Variants in PPP3R1 observed in about 807,000 individuals in gnomAD.
PPP3R1 encodes calcineurin subunit B type 1.
Under a neutral mutation model 22.6 loss-of-function variants are expected in PPP3R1, and 5 were observed. The ratio of observed to expected loss-of-function variants is 0.22; its 90% CI spans 0.12 to 0.46. The LOEUF (loss-of-function observed/expected upper bound fraction) is 0.46, where lower values mean the gene tolerates loss of function less well. Ranked by LOEUF, PPP3R1 falls within the 20% of genes least tolerant of loss-of-function variation. The pLI is 0.99. For synonymous variants in PPP3R1, 56 were observed against 65.2 expected (o/e 0.86, Z 0.68); for missense variants, 61 against 203.2 (o/e 0.30, Z 4.25).
intron 2 of PPP3R1, among the ~76,000 whole-genome samples, chr2:68,189,353 C>T (rs949488914): frequency 1.3e-5 from 2 of 152,122 alleles, no homozygotes; most frequent in Non-Finnish European, 2.9e-5. Flanking sequence ...CTTATCAACA[C>T]TTTAAAAGAG....
Position 68,185,150 on chromosome 2 carries a change from C to T in PPP3R1, c.465+1318G>A, listed in dbSNP as rs138942826. Among the ~76,000 whole-genome samples the T allele has an allele frequency of 8.9e-4, 134 of 149,746 alleles. 2 individuals are homozygous for T. In the East Asian group the frequency reaches 0.02, roughly 22 times the overall value. ...AGGAAAATCACTCGAACCAGGGAGT[C>T]GGAGGTTGCAGTGAGCCAAGACTCT... On this transcript the variant is annotated intron_variant, in intron 5 of 5. Coordinates refer to ENST00000234310, the MANE Select transcript of PPP3R1 (RefSeq NM_000945.4).
intron 2 of PPP3R1, among the ~76,000 whole-genome samples, chr2:68,211,418 A>AAAAC (rs1558635196): frequency 6.6e-6 from 1 of 151,604 alleles, no homozygotes; most frequent in Non-Finnish European, 1.5e-5. Flanking sequence ...AAAAAAAAAA[A>AAAAC]AAAAAAACTC....
At chr2:68,251,672 G>A (rs1026220948) in intron 1 of PPP3R1, among the ~76,000 whole-genome samples, 2 of 152,130 alleles carry the variant, frequency 1.3e-5, no homozygotes, top group African/African-American at 2.4e-5. Context: ...TATGTAAAGT[G>A]CCATTTGCCA....
At chr2:68,217,032 ACAC>A in intron 2 of PPP3R1, 57 bp downstream of exon 2, 1 of 1,227,334 alleles carries the variant, frequency 8.1e-7, no homozygotes, top group Non-Finnish European at 1.1e-6. Flanking sequence ...ACACACACAC[ACAC>A]ACACAGAGAG....
chr2:68,211,591 A>C (rs1296697130), intron 2 of PPP3R1, among the ~76,000 whole-genome samples: 1 of 152,096 alleles, frequency 6.6e-6, no homozygotes, highest in African/African-American at 2.4e-5. Flanking sequence ...TCATTTGACA[A>C]TTCCTTTCAT....
At chr2:68,246,652 T>C (rs1558645936) in intron 1 of PPP3R1, among the ~76,000 whole-genome samples, 1 of 152,190 alleles carries the variant, frequency 6.6e-6, no homozygotes, top group East Asian at 1.9e-4. Flanking sequence ...TCTGGCATCA[T>C]GCTATGCTGC....
chr2:68,240,266 TTC>T (rs1182343174), intron 1 of PPP3R1, among the ~76,000 whole-genome samples: 1 of 152,178 alleles, frequency 6.6e-6, no homozygotes, highest in African/African-American at 2.4e-5. Flanking sequence ...TGTACCTCAC[TTC>T]TGTCTTATAC....
At position 68,198,395 on chromosome 2, in the gene PPP3R1, A is replaced by G. The variant is rs559653510; in HGVS notation, c.44-9705T>C. On this transcript the variant is annotated intron_variant, in intron 2 of 5. Coordinates refer to ENST00000234310, the MANE Select transcript of PPP3R1 (RefSeq NM_000945.4). Reference sequence around the variant, plus strand: ...TGTACATGTATATGCATATATATGTATATATATGTGTATGTATATGCATAT... The same window carrying G: ...TGTACATGTATATGCATATATATGTGTATATATGTGTATGTATATGCATAT... 6.8e-4 allele frequency among the ~76,000 whole-genome samples: 53 copies of G among 78,518 alleles called. 1 individual carries two copies. Among genetic ancestry groups the G allele is most frequent in the African/African-American group, 2.2e-3 (36 of 16,010 alleles). The allele number at this position is 78,518 out of a possible 152,430, so 51.5% of individuals were successfully genotyped here.
rs139160882 is a variant in PPP3R1, at chr2:68,231,512, A to C, written c.4-14381T>G. Among the ~76,000 whole-genome samples, 216 of 152,310 alleles carry C rather than the reference A, an allele frequency of 1.4e-3. 1 individual carries two copies. In the Middle Eastern group the frequency reaches 0.024, roughly 17 times the overall value. ...CTAGTAGTTTTGGTATTCTATGAAA[A>C]AAAGCAGCTAGTTCAGCTTACAAAT... On this transcript the variant is annotated intron_variant, in intron 1 of 5. Transcript: ENST00000234310.
Position 68,222,228 on chromosome 2 carries a change from AAG to A in PPP3R1, c.4-5099_4-5098del, listed in dbSNP as rs1669698623. Among the ~76,000 whole-genome samples the A allele has an allele frequency of 2.0e-5, 3 of 152,214 alleles. No homozygotes were observed. The South Asian group carries it at 6.2e-4, about 31-fold the overall frequency. On this transcript the variant is annotated intron_variant, in intron 1 of 5. Transcript: ENST00000234310. Reference sequence around the variant, plus strand: ...TGCTGTTGTCAGGATCTTACACTGTAAGAGAAACACTGTATCATTATTTGAAG... The same window carrying A: ...TGCTGTTGTCAGGATCTTACACTGTAAGAAACACTGTATCATTATTTGAAG...
chr2:68,203,702 C>T (rs986087978), intron 2 of PPP3R1, among the ~76,000 whole-genome samples: 2 of 152,118 alleles, frequency 1.3e-5, no homozygotes, highest in African/African-American at 4.8e-5. Flanking sequence ...CTCCCTGAGA[C>T]GAATGTGATT....
chr2:68,244,913 G>C (rs1439155465), intron 1 of PPP3R1, among the ~76,000 whole-genome samples: 9 of 152,198 alleles, frequency 5.9e-5, no homozygotes, highest in Admixed American at 5.9e-4. Context: ...CAAGGCTTCT[G>C]CATTCACAGA....
At chr2:68,186,282 T>C (rs1674541976) in intron 5 of PPP3R1, among the ~76,000 whole-genome samples, 186 bp downstream of exon 5, 1 of 138,804 alleles carries the variant, frequency 7.2e-6, no homozygotes, top group African/African-American at 2.9e-5. Context: ...ATAAGTAAAG[T>C]AGTATCCTTG....
chr2:68,207,593 G>A (rs1051520680), intron 2 of PPP3R1, among the ~76,000 whole-genome samples: 8 of 152,216 alleles, frequency 5.3e-5, no homozygotes, highest in African/African-American at 1.7e-4. Context: ...ATGAGCAGCA[G>A]AAAAGAATCT....
At chr2:68,213,412 G>C (rs1328998727) in intron 2 of PPP3R1, among the ~76,000 whole-genome samples, 1 of 152,176 alleles carries the variant, frequency 6.6e-6, no homozygotes, top group Admixed American at 6.5e-5. Flanking sequence ...AAAGGAGAGA[G>C]TTGTGGGAAT....
At chr2:68,228,479 A>G (rs1052018049) in intron 1 of PPP3R1, among the ~76,000 whole-genome samples, 1 of 152,204 alleles carries the variant, frequency 6.6e-6, no homozygotes, top group African/African-American at 2.4e-5. Flanking sequence ...AAAATTGGTC[A>G]TAGTAACCCC....
At chr2:68,225,768 T>C (rs1313456803) in intron 1 of PPP3R1, among the ~76,000 whole-genome samples, 1 of 152,210 alleles carries the variant, frequency 6.6e-6, no homozygotes, top group East Asian at 1.9e-4. Context: ...ATGAAAATTT[T>C]ATATCTTGCT....
chr2:68,241,362 G>A (rs1311300401), intron 1 of PPP3R1, among the ~76,000 whole-genome samples: 1 of 151,724 alleles, frequency 6.6e-6, no homozygotes. Flanking sequence ...AGAACTCATG[G>A]GCATGGAAGG....
intron 2 of PPP3R1, among the ~76,000 whole-genome samples, chr2:68,208,550 G>A (rs1251833054): frequency 1.3e-5 from 2 of 152,130 alleles, no homozygotes; most frequent in Non-Finnish European, 2.9e-5. Context: ...TCTAGTTTTG[G>A]TCAATTCTAA....
Sources: allele counts gnomAD v4.1 joint callset (sites outside exome capture counted in the v4.1 genomes callset), GRCh38; gene constraint gnomAD v4.1.1; transcripts MANE v1.5; gene names NCBI Gene and HGNC (gene_info 2026-07-23, HGNC 2026-07-21).